The following OR52N4 variants were observed in gnomAD, a reference collection of about 807,000 sequenced individuals.
OR52N4 encodes the protein olfactory receptor family 52 subfamily N member 4.
In OR52N4, 15 loss-of-function variants were observed where a neutral mutation model predicts 15.0. That is an observed-to-expected ratio of 1.00 (90% CI 0.67 to 1.54). The LOEUF (loss-of-function observed/expected upper bound fraction) is 1.54. Ranked by LOEUF, OR52N4 falls within the 40% of genes most tolerant of loss-of-function variation. The pLI, the probability that OR52N4 is intolerant of heterozygous loss-of-function variation, is 0.00. For synonymous variants in OR52N4, 143 were observed against 143.7 expected (o/e 1.00, Z 0.03); for missense variants, 421 against 394.0 (o/e 1.07, Z -0.58).
At chr11:5,731,178 T>G in the OR52N4 span, among the ~76,000 whole-genome samples, 1 of 152,192 alleles carries the variant, frequency 6.6e-6, no homozygotes, top group Non-Finnish European at 1.5e-5. Flanking sequence ...ACTAATGGAC[T>G]CACATATTTG....
chr11:5,745,260 T>A, the OR52N4 span, among the ~76,000 whole-genome samples: 1 of 152,094 alleles, frequency 6.6e-6, no homozygotes, highest in Non-Finnish European at 1.5e-5. Flanking sequence ...TCAAACTATC[T>A]CTATTTGCTG....
At chr11:5,744,397 G>A in the OR52N4 span, among the ~76,000 whole-genome samples, 78 of 152,126 alleles carry the variant, frequency 5.1e-4, no homozygotes, top group African/African-American at 1.8e-3. Context: ...GGGTAAGGAC[G>A]CAACAAAAAA....
the OR52N4 span, chr11:5,737,306 G>A: frequency 6.2e-7 from 1 of 1,614,006 alleles, no homozygotes; most frequent in Non-Finnish European, 8.5e-7. Context: ...TTACACTATT[G>A]TTGTAGTGAT....
At chr11:5,740,923 G>A in the OR52N4 span, among the ~76,000 whole-genome samples, 2 of 127,698 alleles carry the variant, frequency 1.6e-5, 1 homozygote, top group Non-Finnish European at 3.5e-5. Context: ...ATACCAAGGT[G>A]TGCACTCTGG....
the OR52N4 span, chr11:5,736,252 T>C: frequency 3.3e-4 from 147 of 442,148 alleles, no homozygotes; most frequent in Non-Finnish European, 5.4e-4. Context: ...GACATCTATA[T>C]CAACTTGAAA....
chr11:5,742,128 AAAG>A, the OR52N4 span, among the ~76,000 whole-genome samples: 1 of 152,070 alleles, frequency 6.6e-6, no homozygotes, highest in African/African-American at 2.4e-5. Flanking sequence ...AGAGAGAAAG[AAAG>A]AAAAGAAAGA....
chr11:5,744,650 C>T, the OR52N4 span, among the ~76,000 whole-genome samples: 1 of 152,088 alleles, frequency 6.6e-6, no homozygotes, highest in Non-Finnish European at 1.5e-5. Context: ...TGGTGGCTCA[C>T]GCCTGTAATC....
At chr11:5,748,032 T>C in the OR52N4 span, among the ~76,000 whole-genome samples, 3 of 150,616 alleles carry the variant, frequency 2.0e-5, no homozygotes, top group Admixed American at 1.4e-4. Context: ...TATCATATTT[T>C]TCTTTTGAAA....
At chr11:5,742,824 C>T in the OR52N4 span, among the ~76,000 whole-genome samples, 1 of 151,860 alleles carries the variant, frequency 6.6e-6, no homozygotes, top group Non-Finnish European at 1.5e-5. Flanking sequence ...CTAAAGCAAC[C>T]ACAAAAATGG....
At chr11:5,738,758 TTTTC>T in the OR52N4 span, among the ~76,000 whole-genome samples, 1 of 50,366 alleles carries the variant, frequency 2.0e-5, no homozygotes, top group African/African-American at 6.4e-5. Context: ...GAGAGTTTTC[TTTTC>T]TTTCTTTTTT....
At chr11:5,739,528 C>T in the OR52N4 span, among the ~76,000 whole-genome samples, 1 of 101,360 alleles carries the variant, frequency 9.9e-6, no homozygotes, top group African/African-American at 3.7e-5. Flanking sequence ...CACCATTGCA[C>T]TCCAACCTAG....
the OR52N4 span, among the ~76,000 whole-genome samples, chr11:5,734,704 A>AGTATTAAGT: frequency 6.6e-6 from 1 of 152,136 alleles, no homozygotes; most frequent in Non-Finnish European, 1.5e-5. Flanking sequence ...GTAATAAATG[A>AGTATTAAGT]GTATTAAGTA....
chr11:5,754,983 T>C lies in OR52N4; in HGVS notation c.243T>C (p.Pro81=). ...TTGTTATGTGCTCTAGTACAATCCC[T>C]AAAGCCCTCTGCATCTTCTGGTTTC... ...TDLVMCSSTI[P]KALCIFWFHL... is the part of the protein sequence containing the mutation. The change falls in exon 2 of 2, where the codon CCT becomes CCC. Residue 81 remains proline (P), a synonymous_variant. Coordinates refer to ENST00000641350, the MANE Select transcript of OR52N4 (RefSeq NM_001005175.5). The C allele has an allele frequency of 6.2e-7, 1 of 1,613,886 alleles. No individual in the cohort carries two copies. The highest frequency in any genetic ancestry group is 2.2e-5 in the East Asian group (1 of 44,840).
At chr11:5,747,077 CAAAA>C in the OR52N4 span, among the ~76,000 whole-genome samples, 258 of 57,264 alleles carry the variant, frequency 4.5e-3, 2 homozygotes, top group African/African-American at 0.016. Flanking sequence ...GTAAAAATAC[CAAAA>C]AAAAAAAAAA....
the OR52N4 span, among the ~76,000 whole-genome samples, chr11:5,742,015 C>G: frequency 6.6e-6 from 1 of 151,938 alleles, no homozygotes; most frequent in Admixed American, 6.6e-5. Flanking sequence ...TTACAAAATA[C>G]AGTTGAAAGC....
At chr11:5,731,933 T>C in the OR52N4 span, among the ~76,000 whole-genome samples, 5 of 152,214 alleles carry the variant, frequency 3.3e-5, no homozygotes, top group African/African-American at 1.2e-4. Flanking sequence ...GACTAATATA[T>C]ATAAGGGATG....
At chr11:5,746,633 T>A in the OR52N4 span, among the ~76,000 whole-genome samples, 1 of 152,144 alleles carries the variant, frequency 6.6e-6, no homozygotes, top group Non-Finnish European at 1.5e-5. Context: ...AGTCAGAATA[T>A]CTGTGATTAA....
upstream of OR52N4, among the ~76,000 whole-genome samples, chr11:5,750,717 T>C (rs1471542428): frequency 3.9e-5 from 6 of 151,994 alleles, no homozygotes; most frequent in East Asian, 1.2e-3. Context: ...TATAAATTCA[T>C]AGTTTATAAA....
chr11:5,748,444 G>C, the OR52N4 span, among the ~76,000 whole-genome samples: 1 of 150,912 alleles, frequency 6.6e-6, no homozygotes, highest in Non-Finnish European at 1.5e-5. Flanking sequence ...ATTATTTCAA[G>C]GTTTGTATAT....
Sources: allele counts gnomAD v4.1 joint callset (sites outside exome capture counted in the v4.1 genomes callset), GRCh38; gene constraint gnomAD v4.1.1; transcripts MANE v1.5; gene names NCBI Gene and HGNC (gene_info 2026-07-23, HGNC 2026-07-21).